Variants in XRCC1 observed in about 807,000 individuals in gnomAD.
XRCC1 encodes the protein X-ray repair cross complementing 1.
In XRCC1, 52 loss-of-function variants were observed where a neutral mutation model predicts 83.3. The ratio of observed to expected loss-of-function variants is 0.62; its 90% CI spans 0.50 to 0.79. The LOEUF (loss-of-function observed/expected upper bound fraction) is 0.79, where lower values mean the gene tolerates loss of function less well. Among genes scored for constraint, XRCC1 ranks in the 30% least tolerant of loss-of-function variants. The pLI, the probability that XRCC1 is intolerant of heterozygous loss-of-function variation, is 0.00. For synonymous variants in XRCC1, 281 were observed against 312.6 expected (o/e 0.90, Z 1.07); for missense variants, 793 against 823.5 (o/e 0.96, Z 0.45).
chr19:43,548,532 G>C (rs1448501551), intron 10 of XRCC1, among the ~76,000 whole-genome samples: 1 of 152,088 alleles, frequency 6.6e-6, no homozygotes. Context: ...ATGGATTAAG[G>C]GCGGTGCAAG....
At chr19:43,570,037 G>C (rs1226577455) in intron 2 of XRCC1, among the ~76,000 whole-genome samples, 1 of 152,198 alleles carries the variant, frequency 6.6e-6, no homozygotes, top group Admixed American at 6.5e-5. Context: ...TCTGGGTGTG[G>C]AGTACACAGG....
intron 2 of XRCC1, among the ~76,000 whole-genome samples, chr19:43,563,229 G>A (rs900963856): frequency 4.6e-5 from 7 of 152,140 alleles, no homozygotes; most frequent in Admixed American, 1.3e-4. Flanking sequence ...GCTCACACCC[G>A]TAATACCAGC....
In XRCC1 at chr19:43,543,341, C is replaced by CGTGT. The variant is rs45592142; in HGVS notation, c.*47_*50dup. ...ACCAACTCATCTTTATTAAATGCAT[C>CGTGT]GTGTGTGTGTGTGTGTGTGTGTGTG... On this transcript the variant is annotated 3_prime_UTR_variant, in exon 17 of 17. Transcript: ENST00000262887. 0.058 allele frequency: 59,929 copies of CGTGT among 1,037,214 alleles called. 714 individuals carry two copies. The highest frequency in any genetic ancestry group is 0.14 in the Admixed American group (7,160 of 50,762). The allele number at this position is 1,037,214 out of a possible 1,614,324, so 64.3% of individuals were successfully genotyped here.
chr19:43,572,833 A>C (rs1021059599), intron 2 of XRCC1, among the ~76,000 whole-genome samples: 5 of 151,712 alleles, frequency 3.3e-5, no homozygotes, highest in South Asian at 4.2e-4. Context: ...GTAACAAAGG[A>C]GTCCCTAATC....
intron 10 of XRCC1, among the ~76,000 whole-genome samples, chr19:43,550,023 C>A (rs1003450277): frequency 6.6e-6 from 1 of 152,088 alleles, no homozygotes; most frequent in Non-Finnish European, 1.5e-5. Context: ...GGAGTCCCCA[C>A]CTGCAGCCTC....
chr19:43,560,791 G>T, intron 3 of XRCC1, 119 bp downstream of exon 3: 1 of 794,978 alleles, frequency 1.3e-6, no homozygotes, highest in Non-Finnish European at 2.2e-6. Flanking sequence ...CCAGAGGGCA[G>T]CAATCAGGTG....
rs759749611 is a variant in XRCC1 at position 43,543,690 on chromosome 19, G to A, written c.1713-3C>T. The stretch of plus-strand genomic sequence containing the variant: ...CACTCATATAGTCCTCGAGCTCCCT[G>A]GCGGGAGAGAAGAAAAGAGGTAGAA... On this transcript the variant is annotated splice_region_variant and splice_polypyrimidine_tract_variant and intron_variant, in intron 15 of 16. Coordinates refer to ENST00000262887, the MANE Select transcript of XRCC1 (RefSeq NM_006297.3). The A allele has an allele frequency of 2.9e-5, 46 of 1,613,796 alleles. No homozygotes were observed. The East Asian group carries it at 1.0e-3, about 35-fold the overall frequency.
intron 2 of XRCC1, among the ~76,000 whole-genome samples, chr19:43,569,162 C>T (rs748501704): frequency 2.0e-5 from 3 of 151,718 alleles, no homozygotes; most frequent in Non-Finnish European, 1.5e-5. Context: ...TATCTCAATA[C>T]AACAGAATAC....
rs369880593 is a variant in XRCC1, at chr19:43,554,671, A to G, written c.389T>C (p.Ile130Thr). The stretch of plus-strand genomic sequence containing the variant: ...CTTGCTGTAGGGCTGGCTGCAAACA[A>G]TTTTGACCCGGTCCCAGCGCTTCTC... ...AAEKRWDRVK[I>T]VCSQPYSKDS... Residue 130 changes from isoleucine to threonine, a missense_variant, in exon 4 of 17, where the codon ATT becomes ACT. Ile to Thr is a moderately conservative substitution (Grantham distance 89, BLOSUM62 -1). Coordinates refer to ENST00000262887, the MANE Select transcript of XRCC1 (RefSeq NM_006297.3). The G allele has an allele frequency of 4.3e-6, 7 of 1,612,308 alleles. No homozygotes were observed. The highest frequency in any genetic ancestry group is 5.1e-6 in the Non-Finnish European group (6 of 1,179,208).
intron 3 of XRCC1, chr19:43,555,560 C>T (rs1302306658): frequency 3.3e-5 from 5 of 152,284 alleles, no homozygotes; most frequent in Middle Eastern, 3.4e-3. Context: ...TCTCAGCAGC[C>T]GGTGGGGGAG....
At chr19:43,556,232 CA>C (rs1430889984) in intron 3 of XRCC1, among the ~76,000 whole-genome samples, 1 of 152,126 alleles carries the variant, frequency 6.6e-6, no homozygotes, top group African/African-American at 2.4e-5. Flanking sequence ...TGAAAGAGAA[CA>C]AGAGAGAAAA....
intron 2 of XRCC1, among the ~76,000 whole-genome samples, chr19:43,562,248 T>G (rs577763111): frequency 6.7e-4 from 101 of 151,808 alleles, no homozygotes; most frequent in Middle Eastern, 6.8e-3. Context: ...TGCCTCCCTG[T>G]CAGATCATCT....
In XRCC1 at chr19:43,552,264, T is replaced by A. The variant is rs1325362689; in HGVS notation, c.835A>T (p.Thr279Ser). 1 of 1,604,464 alleles carries A rather than the reference T, an allele frequency of 6.2e-7. No homozygotes were observed. Among genetic ancestry groups the A allele is most frequent in the African/African-American group, 1.3e-5 (1 of 74,692 alleles). Residue 279 changes from threonine (T) to serine (S), a missense_variant, in exon 9 of 17, where the codon ACT becomes TCT. Coordinates refer to ENST00000262887, the MANE Select transcript of XRCC1 (RefSeq NM_006297.3). ...VPKRPKLPAP[T>S]RTPATAPVPA... Reference sequence around the variant, plus strand: ...ACTGGGGCTGTGGCTGGGGTACGAGTTGGAGCTGGCACTGGAGAAGACAAA... The same window carrying A: ...ACTGGGGCTGTGGCTGGGGTACGAGATGGAGCTGGCACTGGAGAAGACAAA...
intron 12 of XRCC1, 90 bp from the exon 13 acceptor site, chr19:43,546,196 A>C: frequency 3.1e-4 from 458 of 1,455,838 alleles, no homozygotes; most frequent in Middle Eastern, 4.5e-4. Flanking sequence ...CAGGCATCTC[A>C]TGCCCCCAGC....
intron 10 of XRCC1, among the ~76,000 whole-genome samples, chr19:43,549,688 C>T (rs1015522433): frequency 1.3e-5 from 2 of 152,150 alleles, no homozygotes; most frequent in African/African-American, 2.4e-5. Flanking sequence ...TCCCAAGTAT[C>T]TACGACTACA....
At chr19:43,558,787 T>G (rs892132964) in intron 3 of XRCC1, among the ~76,000 whole-genome samples, 11 of 151,308 alleles carry the variant, frequency 7.3e-5, no homozygotes, top group Non-Finnish European at 1.5e-4. Context: ...GTTAATTAAT[T>G]CTCAACAAGG....
chr19:43,545,641 A>G (rs560256323), intron 14 of XRCC1, among the ~76,000 whole-genome samples, 177 bp downstream of exon 14: 3 of 152,334 alleles, frequency 2.0e-5, no homozygotes, highest in Non-Finnish European at 4.4e-5. Flanking sequence ...GAGGATGCTG[A>G]AAGGAAAGGA....
At chr19:43,564,798 A>AC in intron 2 of XRCC1, among the ~76,000 whole-genome samples, 1 of 151,038 alleles carries the variant, frequency 6.6e-6, no homozygotes, top group Admixed American at 6.6e-5. Flanking sequence ...CAAAAAAACA[A>AC]AAAAAAAACA....
In XRCC1 at chr19:43,547,702, G is replaced by A. The variant is rs530002973; in HGVS notation, c.1200-725C>T. On this transcript the variant is annotated intron_variant, in intron 10 of 16. Transcript: ENST00000262887. ...TTAAGTACATACGAGGTTTCATCACGTTGGCCAGGATGGTCTCGAACTCCT... is the reference window on the plus strand; with the variant it reads ...TTAAGTACATACGAGGTTTCATCACATTGGCCAGGATGGTCTCGAACTCCT... Among the ~76,000 whole-genome samples, 18 of 151,986 alleles carry A rather than the reference G, an allele frequency of 1.2e-4. No individual in the cohort carries two copies. The East Asian group carries it at 2.9e-3, about 25-fold the overall frequency.
Sources: allele counts gnomAD v4.1 joint callset (sites outside exome capture counted in the v4.1 genomes callset), GRCh38; gene constraint gnomAD v4.1.1; transcripts MANE v1.5; gene names NCBI Gene and HGNC (gene_info 2026-07-23, HGNC 2026-07-21).